PEBP4: variants seen among roughly 807,000 people sequenced by gnomAD.
PEBP4 encodes the protein phosphatidylethanolamine binding protein 4, also known as phosphatidylethanolamine-binding protein 4.
A neutral mutation model predicts 23.9 loss-of-function variants in PEBP4; 22 were observed. The ratio of observed to expected loss-of-function variants is 0.92; its 90% CI spans 0.66 to 1.31. The LOEUF (loss-of-function observed/expected upper bound fraction) is 1.31, where lower values mean the gene tolerates loss of function less well. PEBP4 is among the 40% of genes most tolerant of loss of function. The probability of loss-of-function intolerance (pLI) is 0.00; values close to 1 mark genes in which losing one functional copy is unlikely to be tolerated. For synonymous variants in PEBP4, 112 were observed against 99.3 expected (o/e 1.13, Z -0.76); for missense variants, 324 against 281.7 (o/e 1.15, Z -1.07).
At position 22,798,735 on chromosome 8, in the gene PEBP4, T is replaced by TC. The variant is rs1563219881; in HGVS notation, c.357+18901_357+18902insG. The TC allele has an allele frequency of 4.4e-5, 5 of 114,084 alleles. No individual in the cohort carries two copies. The East Asian group carries it at 6.5e-4, about 15-fold the overall frequency. The allele number at this position is 114,084 out of a possible 1,614,324, so 7.1% of individuals were successfully genotyped here. The stretch of plus-strand genomic sequence containing the variant: ...TTTTTTCTTTTCTTTTTTCTTTTTT[T>TC]TTTTTTTTTTTTTTTTTTTGAGGTG... On this transcript the variant is annotated intron_variant, in intron 4 of 6. Coordinates refer to ENST00000256404, the MANE Select transcript of PEBP4 (RefSeq NM_144962.3).
chr8:22,857,372 C>G (rs570260980), intron 3 of PEBP4, among the ~76,000 whole-genome samples: 1 of 152,234 alleles, frequency 6.6e-6, no homozygotes, highest in Admixed American at 6.5e-5. Flanking sequence ...ATACCCTTCT[C>G]TCAGCCTCTT....
At chr8:22,776,598 A>G (rs1805819473) in intron 4 of PEBP4, among the ~76,000 whole-genome samples, 1 of 151,438 alleles carries the variant, frequency 6.6e-6, no homozygotes, top group Admixed American at 6.6e-5. Flanking sequence ...TCCTCTCTGC[A>G]TTTTTGCTTA....
intron 3 of PEBP4, among the ~76,000 whole-genome samples, chr8:22,822,525 TTTCTTCTTC>T (rs776104417): frequency 2.0e-5 from 3 of 152,116 alleles, no homozygotes; most frequent in Non-Finnish European, 4.4e-5. Context: ...TCTCTTTTCC[TTTCTTCTTC>T]TTCTTCTTTT....
intron 4 of PEBP4, among the ~76,000 whole-genome samples, chr8:22,741,197 C>T (rs971584953): frequency 3.9e-5 from 6 of 152,212 alleles, no homozygotes; most frequent in Non-Finnish European, 7.3e-5. Flanking sequence ...TCTCCCTCCT[C>T]CGAGGTGCCC....
chr8:22,840,138 C>T (rs1277650565), intron 3 of PEBP4, among the ~76,000 whole-genome samples: 2 of 152,182 alleles, frequency 1.3e-5, no homozygotes, highest in Admixed American at 1.3e-4. Context: ...CTCAGAGAAT[C>T]AGATGAATTA....
At chr8:22,816,056 C>A (rs1200515763) in intron 4 of PEBP4, among the ~76,000 whole-genome samples, 2 of 152,236 alleles carry the variant, frequency 1.3e-5, no homozygotes, top group Non-Finnish European at 2.9e-5. Flanking sequence ...ACCCCTGAGA[C>A]CGCTGGGGAG....
At position 22,924,807 on chromosome 8, in the gene PEBP4, G is replaced by A. The variant is rs143865190; in HGVS notation, c.131+2777C>T. On this transcript the variant is annotated intron_variant, in intron 2 of 6. Transcript: ENST00000256404. ...GACTGAGCCCAGGGTTGGGACCGTC[G>A]GTGGTTTTGCTGGTCTTGTCTGGGG... The A allele has an allele frequency of 3.0e-4, 292 of 985,340 alleles. 1 individual carries two copies. The African/African-American group carries it at 4.3e-3, about 15-fold the overall frequency. 61.0% of individuals were successfully genotyped at this position (985,340 alleles called of 1,614,324 possible). A position where few individuals can be genotyped will look rare whatever the true frequency, so the allele number is the denominator to read the frequency against.
At position 22,817,711 on chromosome 8, in the gene PEBP4, C is replaced by T; in HGVS notation, c.283G>A (p.Val95Met). Residue 95 changes from valine (V) to methionine (M), a missense_variant, in exon 4 of 7, where the codon GTG becomes ATG. Coordinates refer to ENST00000256404, the MANE Select transcript of PEBP4 (RefSeq NM_144962.3). ...GCTCTGCTAGGGGCATCTGGATCCA[C>T]CATCACCAGGATATAGGTTGCGCCC... ...VDGATYILVM[V>M]DPDAPSRAEP... 4 of 1,614,200 alleles carry T rather than the reference C, an allele frequency of 2.5e-6. No individual in the cohort carries two copies. The highest frequency in any genetic ancestry group is 3.4e-6 in the Non-Finnish European group (4 of 1,180,042).
Position 22,841,046 on chromosome 8 carries a change from A to G in PEBP4, c.259-23311T>C, listed in dbSNP as rs903089120. Among the ~76,000 whole-genome samples the G allele has an allele frequency of 5.9e-5, 9 of 152,360 alleles. No individual in the cohort carries two copies. The South Asian group carries it at 1.4e-3, about 25-fold the overall frequency. ...CATTAGTCAAGCCCTTTTCAACTAC[A>G]TGCCAAACCCCTCATATCCCCTGAC... On this transcript the variant is annotated intron_variant, in intron 3 of 6. Transcript: ENST00000256404.
Position 22,789,987 on chromosome 8 carries a change from A to G in PEBP4, c.357+27650T>C, listed in dbSNP as rs527312751. On this transcript the variant is annotated intron_variant, in intron 4 of 6. Coordinates refer to ENST00000256404, the MANE Select transcript of PEBP4 (RefSeq NM_144962.3). ...CTGGCCTTCCAGGATGGGGAGTCCAATGCCTCTTCTCTGGCCCCATGGCCC... is the reference window on the plus strand; with the variant it reads ...CTGGCCTTCCAGGATGGGGAGTCCAGTGCCTCTTCTCTGGCCCCATGGCCC... Among the ~76,000 whole-genome samples the G allele has an allele frequency of 8.5e-5, 13 of 152,198 alleles. No homozygotes were observed. In the South Asian group the frequency reaches 1.2e-3, roughly 15 times the overall value.
At chr8:22,792,925 A>C (rs953648645) in intron 4 of PEBP4, among the ~76,000 whole-genome samples, 2 of 152,210 alleles carry the variant, frequency 1.3e-5, no homozygotes, top group East Asian at 3.8e-4. Flanking sequence ...CCCTTACCTA[A>C]TTCTTTTTAT....
intron 3 of PEBP4, among the ~76,000 whole-genome samples, chr8:22,910,321 C>T (rs1356134183): frequency 1.3e-5 from 2 of 152,222 alleles, no homozygotes; most frequent in Non-Finnish European, 2.9e-5. Flanking sequence ...AGAGACCAAG[C>T]CCCCAACATC....
chr8:22,797,893 A>G (rs1585278313), intron 4 of PEBP4, among the ~76,000 whole-genome samples: 1 of 152,310 alleles, frequency 6.6e-6, no homozygotes, highest in East Asian at 1.9e-4. Context: ...GCCAACATCA[A>G]TAGCAATGCT....
intron 6 of PEBP4, among the ~76,000 whole-genome samples, chr8:22,716,575 GTCTTGACAGTCAC>G (rs1482000307): frequency 8.5e-5 from 13 of 152,224 alleles, no homozygotes; most frequent in Admixed American, 8.5e-4. Flanking sequence ...CCTGGGGCAG[GTCTTGACAGTCAC>G]TCTCTCCACC....
At chr8:22,839,471 T>C (rs1425494967) in intron 3 of PEBP4, among the ~76,000 whole-genome samples, 1 of 152,148 alleles carries the variant, frequency 6.6e-6, no homozygotes, top group African/African-American at 2.4e-5. Flanking sequence ...GGCCTCTGAT[T>C]CTCCACATGC....
intron 3 of PEBP4, among the ~76,000 whole-genome samples, chr8:22,844,127 G>C (rs1239586804): frequency 6.6e-6 from 1 of 152,188 alleles, no homozygotes; most frequent in Non-Finnish European, 1.5e-5. Context: ...AGATGCTTCT[G>C]CCTCTATAAA....
intron 4 of PEBP4, among the ~76,000 whole-genome samples, chr8:22,751,588 CTGTGTG>C (rs139334012): frequency 1.4e-5 from 2 of 147,148 alleles, no homozygotes; most frequent in African/African-American, 5.1e-5. Context: ...AGGAGTGTGT[CTGTGTG>C]TGTGTGTGTG....
intron 1 of PEBP4, among the ~76,000 whole-genome samples, chr8:22,932,987 A>C (rs1809481585): frequency 6.9e-6 from 1 of 145,862 alleles, no homozygotes; most frequent in East Asian, 2.0e-4. Flanking sequence ...CCTGGGCAAC[A>C]GAGCAAGACT....
chr8:22,840,639 C>G (rs1394583719), intron 3 of PEBP4, among the ~76,000 whole-genome samples: 2 of 152,148 alleles, frequency 1.3e-5, no homozygotes, highest in Non-Finnish European at 2.9e-5. Flanking sequence ...CCACATGTTC[C>G]TCTTGGGTCA....
Sources: allele counts gnomAD v4.1 joint callset (sites outside exome capture counted in the v4.1 genomes callset), GRCh38; gene constraint gnomAD v4.1.1; transcripts MANE v1.5; gene names NCBI Gene and HGNC (gene_info 2026-07-23, HGNC 2026-07-21).